Variants in SORD observed in about 807,000 individuals in gnomAD.
The protein encoded by SORD is (R,R)-butanediol dehydrogenase.
In SORD, 18 loss-of-function variants were observed where a neutral mutation model predicts 35.6. The observed-to-expected ratio is 0.51, with a 90% CI of 0.35 to 0.75. The LOEUF (loss-of-function observed/expected upper bound fraction) is 0.75. Among genes scored for constraint, SORD ranks in the 30% least tolerant of loss-of-function variants. The pLI is 0.01. For synonymous variants in SORD, 106 were observed against 152.9 expected (o/e 0.69, Z 2.26); for missense variants, 250 against 390.2 (o/e 0.64, Z 3.03).
At chr15:45,053,707 A>G (rs542307292) in intron 3 of SORD, among the ~76,000 whole-genome samples, 4 of 150,192 alleles carry the variant, frequency 2.7e-5, no homozygotes, top group Non-Finnish European at 5.9e-5. Context: ...GGTTAGTTAC[A>G]TATGTATACA....
chr15:45,023,319 GGT>G lies in SORD; in HGVS notation c.38_39del (p.Val13GlyfsTer16). The G allele has an allele frequency of 6.3e-7, 1 of 1,591,162 alleles. No individual in the cohort carries two copies. The highest frequency in any genetic ancestry group is 8.5e-7 in the Non-Finnish European group (1 of 1,170,158). On this transcript the variant is annotated frameshift_variant, in exon 1 of 9. Coordinates refer to ENST00000267814, the MANE Select transcript of SORD (RefSeq NM_003104.6). LOFTEE classifies it high-confidence loss of function. ...AAAKPNNLSL[V>X]VHGPGDLRLE... ...CGGCCAAGCCCAACAACCTTTCCCT[GGT>G]GGTGCACGGACCGGGGGACTTGCGC...
At chr15:45,063,840 T>G (rs1477503386) in intron 4 of SORD, among the ~76,000 whole-genome samples, 1 of 151,448 alleles carries the variant, frequency 6.6e-6, no homozygotes, top group Non-Finnish European at 1.5e-5. Flanking sequence ...AAGGGATACT[T>G]CTAGGGGGAG....
intron 1 of SORD, among the ~76,000 whole-genome samples, chr15:45,031,175 G>A (rs72722074): frequency 0.21 from 31,104 of 150,518 alleles, 5 homozygotes; most frequent in African/African-American, 0.44. Flanking sequence ...AAAAGTAGCC[G>A]GGTGTGATAG....
At position 45,068,261 on chromosome 15, in the gene SORD, T is replaced by G; in HGVS notation, c.610+15T>G. ...AGTGGTGACTGGTAAGACTTTGTTCTTTATCAATCTCCTTGACTGGGAAAC... is the reference window on the plus strand; with the variant it reads ...AGTGGTGACTGGTAAGACTTTGTTCGTTATCAATCTCCTTGACTGGGAAAC... On this transcript the variant is annotated intron_variant, in intron 6 of 8. Coordinates refer to ENST00000267814, the MANE Select transcript of SORD (RefSeq NM_003104.6). 6.3e-7 allele frequency: 1 copy of G among 1,593,968 alleles called. No homozygotes were observed. The highest frequency in any genetic ancestry group is 1.1e-5 in the South Asian group (1 of 90,700).
intron 4 of SORD, 54 bp from the exon 5 acceptor site, chr15:45,065,217 T>C (rs1893385402): frequency 2.2e-6 from 3 of 1,336,752 alleles, no homozygotes; most frequent in East Asian, 2.3e-5. Context: ...TATAATACTA[T>C]TGTTAGCATT....
intron 1 of SORD, among the ~76,000 whole-genome samples, chr15:45,027,957 G>A (rs16977139): frequency 0.042 from 6,398 of 151,122 alleles, 58 homozygotes; most frequent in South Asian, 0.11. Context: ...ACAATGAAGG[G>A]CCAATTTTAC....
At chr15:45,065,720 G>A (rs1347530440) in intron 5 of SORD, among the ~76,000 whole-genome samples, 1 of 152,162 alleles carries the variant, frequency 6.6e-6, no homozygotes, top group African/African-American at 2.4e-5. Flanking sequence ...AGGAGCTTGA[G>A]ACCAGTCTGG....
intron 1 of SORD, chr15:45,036,181 C>G (rs1892862654): frequency 2.9e-6 from 1 of 343,486 alleles, no homozygotes. Context: ...GACACGCCCC[C>G]TTTAGGAACT....
intron 5 of SORD, among the ~76,000 whole-genome samples, chr15:45,066,696 G>A (rs927464675): frequency 6.6e-6 from 1 of 152,236 alleles, no homozygotes; most frequent in East Asian, 1.9e-4. Flanking sequence ...CCTTGTGGGT[G>A]TGATCTGGTG....
At chr15:45,027,420 G>C (rs1402707442) in intron 1 of SORD, among the ~76,000 whole-genome samples, 1 of 152,258 alleles carries the variant, frequency 6.6e-6, no homozygotes, top group East Asian at 1.9e-4. Context: ...TTCATCTTTG[G>C]TTGTATGAGG....
chr15:45,073,576 G>A lies in SORD; in HGVS notation c.*46G>A, dbSNP rs772307560. Reference sequence around the variant, plus strand: ...ATCCCCACAGTCTTGGGATCTCAGGGCACAATGGCTGGACATGGGTGGGCT... The same window carrying A: ...ATCCCCACAGTCTTGGGATCTCAGGACACAATGGCTGGACATGGGTGGGCT... On this transcript the variant is annotated 3_prime_UTR_variant, in exon 9 of 9. Coordinates refer to ENST00000267814, the MANE Select transcript of SORD (RefSeq NM_003104.6). 3.8e-6 allele frequency: 6 copies of A among 1,579,262 alleles called. No homozygotes were observed. Among genetic ancestry groups the A allele is most frequent in the Non-Finnish European group, 5.1e-6 (6 of 1,166,572 alleles).
At chr15:45,029,615 G>A (rs1313653392) in intron 1 of SORD, among the ~76,000 whole-genome samples, 4 of 152,274 alleles carry the variant, frequency 2.6e-5, no homozygotes, top group Admixed American at 1.3e-4. Context: ...CCCTTGCCTC[G>A]CTGCACGGGG....
chr15:45,030,575 C>G (rs1446409871), intron 1 of SORD, among the ~76,000 whole-genome samples: 1 of 152,238 alleles, frequency 6.6e-6, no homozygotes, highest in Admixed American at 6.5e-5. Context: ...ACAGTGAGCA[C>G]TTATCAAGAT....
chr15:45,054,101 A>C (rs1334328116), intron 3 of SORD, among the ~76,000 whole-genome samples: 1 of 151,552 alleles, frequency 6.6e-6, no homozygotes, highest in Non-Finnish European at 1.5e-5. Context: ...GCTGCAATAA[A>C]CATACGTGTG....
intron 7 of SORD, among the ~76,000 whole-genome samples, chr15:45,069,604 T>C (rs1173929982): frequency 6.6e-6 from 1 of 151,972 alleles, no homozygotes; most frequent in Non-Finnish European, 1.5e-5. Flanking sequence ...CCTTGAAAAA[T>C]GTTAAGGACA....
intron 3 of SORD, among the ~76,000 whole-genome samples, chr15:45,059,312 C>T (rs1876725682): frequency 6.6e-6 from 1 of 151,502 alleles, no homozygotes; most frequent in Non-Finnish European, 1.5e-5. Context: ...GCCTGGGTGA[C>T]AGAGTGAGAT....
At chr15:45,047,791 TG>T (rs1893068015) in intron 3 of SORD, among the ~76,000 whole-genome samples, 1 of 152,200 alleles carries the variant, frequency 6.6e-6, no homozygotes, top group South Asian at 2.1e-4. Flanking sequence ...AGCTTGTTCC[TG>T]GCTGCTAGAA....
At chr15:45,029,467 AC>A (rs1281046953) in intron 1 of SORD, among the ~76,000 whole-genome samples, 1 of 152,288 alleles carries the variant, frequency 6.6e-6, no homozygotes, top group Non-Finnish European at 1.5e-5. Context: ...AGGCACTGAC[AC>A]AGGAGCAAGC....
At chr15:45,061,508 G>A (rs563742351) in intron 4 of SORD, among the ~76,000 whole-genome samples, 1 of 152,172 alleles carries the variant, frequency 6.6e-6, no homozygotes, top group South Asian at 2.1e-4. Context: ...CAGACATCCT[G>A]GAGGGAATTC....
Sources: allele counts gnomAD v4.1 joint callset (sites outside exome capture counted in the v4.1 genomes callset), GRCh38; gene constraint gnomAD v4.1.1; transcripts MANE v1.5; gene names NCBI Gene and HGNC (gene_info 2026-07-23, HGNC 2026-07-21).